Variants in UNC13C observed in about 807,000 individuals in gnomAD.
UNC13C encodes the protein unc-13 homolog C, also known as protein unc-13 homolog C.
In UNC13C, 174 loss-of-function variants were observed where a neutral mutation model predicts 245.4. The observed-to-expected ratio is 0.71, with a 90% CI of 0.63 to 0.80. The LOEUF (loss-of-function observed/expected upper bound fraction) is 0.80. Ranked by LOEUF, UNC13C falls within the 30% of genes least tolerant of loss-of-function variation. UNC13C has a pLI of 0.00. For synonymous variants in UNC13C, 992 were observed against 895.1 expected (o/e 1.11, Z -1.93); for missense variants, 2,829 against 2,602.9 (o/e 1.09, Z -1.89).
chr15:54,535,088 G>T (rs932372528), intron 26 of UNC13C, among the ~76,000 whole-genome samples: 1 of 151,926 alleles, frequency 6.6e-6, no homozygotes, highest in Non-Finnish European at 1.5e-5. Context: ...TGGACTAAAT[G>T]TCCCACTTAA....
intron 19 of UNC13C, among the ~76,000 whole-genome samples, chr15:54,477,963 G>T (rs62024027): frequency 9.3e-5 from 13 of 139,694 alleles, no homozygotes; most frequent in Admixed American, 2.8e-4. Context: ...TTGGTAAGCT[G>T]TTGATTATTG....
the UNC13C span, among the ~76,000 whole-genome samples, chr15:53,939,371 G>A: frequency 2.6e-5 from 4 of 152,018 alleles, no homozygotes; most frequent in Admixed American, 6.6e-5. Flanking sequence ...AAAAACCCCG[G>A]GACCCGATGG....
intron 19 of UNC13C, among the ~76,000 whole-genome samples, chr15:54,487,766 C>CAAAAAAA (rs5812760): frequency 1.1e-4 from 7 of 62,754 alleles, no homozygotes; most frequent in East Asian, 9.6e-4. Flanking sequence ...GATTCCATCT[C>CAAAAAAA]AAAAAAAAAA....
intron 4 of UNC13C, among the ~76,000 whole-genome samples, chr15:54,220,201 G>A (rs1331638168): frequency 1.3e-5 from 2 of 151,272 alleles, no homozygotes; most frequent in Admixed American, 6.6e-5. Context: ...CAACCCAAAT[G>A]TCTAACAATG....
At chr15:54,203,739 T>C (rs1456227912) in intron 4 of UNC13C, among the ~76,000 whole-genome samples, 2 of 101,314 alleles carry the variant, frequency 2.0e-5, no homozygotes, top group South Asian at 2.7e-4. Context: ...CACATATACA[T>C]ATATATGTAT....
Position 54,237,741 on chromosome 15 carries a change from AC to A in UNC13C, c.3228+52del, listed in dbSNP as rs1430287235. 3.6e-6 allele frequency: 5 copies of A among 1,399,694 alleles called. No homozygotes were observed. In the African/African-American group the frequency reaches 7.1e-5, roughly 20 times the overall value. 86.7% of individuals were successfully genotyped at this position (1,399,694 alleles called of 1,614,324 possible). The stretch of plus-strand genomic sequence containing the variant: ...ATCTAACTAGATATTGCTCATAATC[AC>A]AAGGGAGAAACTGTTCTGCTTGAGC... On this transcript the variant is annotated intron_variant, in intron 7 of 32. Coordinates refer to ENST00000260323, the MANE Select transcript of UNC13C (RefSeq NM_001080534.3).
chr15:54,457,404 G>A (rs1891590192), intron 19 of UNC13C, among the ~76,000 whole-genome samples: 1 of 152,028 alleles, frequency 6.6e-6, no homozygotes, highest in Non-Finnish European at 1.5e-5. Context: ...AATGAGTTAG[G>A]GAGGACTTCT....
intron 4 of UNC13C, among the ~76,000 whole-genome samples, chr15:54,202,920 C>T (rs1030504303): frequency 4.6e-5 from 7 of 151,878 alleles, no homozygotes; most frequent in African/African-American, 9.6e-5. Flanking sequence ...TCAATACATC[C>T]GACAAAGGAC....
chr15:54,228,111 G>A (rs150743903), intron 4 of UNC13C, among the ~76,000 whole-genome samples: 128 of 152,230 alleles, frequency 8.4e-4, no homozygotes, highest in Admixed American at 1.3e-3. Flanking sequence ...ATAAGAAGAC[G>A]TGTCTCTCCC....
chr15:54,015,248 G>A lies in UNC13C; in HGVS notation c.2345G>A (p.Arg782Gln), dbSNP rs1214822801. 16 of 1,613,368 alleles carry A rather than the reference G, an allele frequency of 9.9e-6. No homozygotes were observed. The highest frequency in any genetic ancestry group is 1.1e-5 in the Non-Finnish European group (13 of 1,179,716). ...EDAPPKSWHS[R>Q]LSIDLSDKTF... is the part of the protein sequence containing the mutation. ...GCCCCACCCAAATCATGGCATAGTC[G>A]ATTAAGCATTGACCTTTCTGATAAG... The change falls in exon 2 of 33, where the codon CGA becomes CAA. Residue 782 changes from arginine to glutamine, a missense_variant. Coordinates refer to ENST00000260323, the MANE Select transcript of UNC13C (RefSeq NM_001080534.3).
the UNC13C span, among the ~76,000 whole-genome samples, chr15:53,941,829 A>C: frequency 2.6e-5 from 4 of 152,362 alleles, no homozygotes; most frequent in Admixed American, 2.0e-4. Context: ...TGATCATTAA[A>C]GAAATGCAAA....
Position 54,013,669 on chromosome 15 carries a change from A to G in UNC13C, c.766A>G (p.Ile256Val). The change falls in exon 2 of 33, where the codon ATT (isoleucine) becomes GTT (valine). Residue 256 changes from isoleucine (I) to valine (V), a missense_variant. Transcript: ENST00000260323. ...TAAGGAACTTCAGGGAATAAGTCAG[A>G]TTGAAACAGAACTTTCTGAACTACG... Reference protein sequence around the residue: ...IFKELQGISQIETELSELRGH... With the variant: ...IFKELQGISQVETELSELRGH... 6 of 1,613,872 alleles carry G rather than the reference A, an allele frequency of 3.7e-6. No individual in the cohort carries two copies. The highest frequency in any genetic ancestry group is 5.1e-6 in the Non-Finnish European group (6 of 1,179,842).
At chr15:54,582,952 TGACA>T (rs1365997665) in intron 30 of UNC13C, among the ~76,000 whole-genome samples, 5 of 152,178 alleles carry the variant, frequency 3.3e-5, no homozygotes, top group Non-Finnish European at 7.3e-5. Context: ...AACGGTAAAC[TGACA>T]GTTCTCTAAT....
chr15:54,281,571 G>A (rs1257789278), intron 10 of UNC13C, among the ~76,000 whole-genome samples: 1 of 152,164 alleles, frequency 6.6e-6, no homozygotes, highest in African/African-American at 2.4e-5. Flanking sequence ...TTTACAGAAT[G>A]CAACAGTGGG....
At chr15:54,082,229 C>A (rs1286020259) in intron 2 of UNC13C, among the ~76,000 whole-genome samples, 2 of 152,100 alleles carry the variant, frequency 1.3e-5, no homozygotes, top group Non-Finnish European at 2.9e-5. Context: ...CCTTGGATAG[C>A]CTGATGATCA....
chr15:54,287,110 GT>G (rs2037170735), intron 10 of UNC13C, among the ~76,000 whole-genome samples: 1 of 152,098 alleles, frequency 6.6e-6, no homozygotes, highest in South Asian at 2.1e-4. Context: ...TAAACCCGGG[GT>G]CTTGGTTAAA....
At chr15:54,431,276 G>T (rs1192938906) in intron 19 of UNC13C, among the ~76,000 whole-genome samples, 2 of 151,542 alleles carry the variant, frequency 1.3e-5, no homozygotes, top group Non-Finnish European at 3.0e-5. Context: ...CGCCATATTG[G>T]GGGATCATCT....
chr15:53,846,484 C>T, the UNC13C span, among the ~76,000 whole-genome samples: 1 of 152,088 alleles, frequency 6.6e-6, no homozygotes, highest in African/African-American at 2.4e-5. Flanking sequence ...ACTTATTTTC[C>T]ACATTTGTGG....
chr15:54,167,346 C>CA (rs2033201675), intron 4 of UNC13C, among the ~76,000 whole-genome samples: 1 of 151,130 alleles, frequency 6.6e-6, no homozygotes, highest in African/African-American at 2.4e-5. Flanking sequence ...ACTGAAAATA[C>CA]AAAAAATTAG....
Sources: gnomAD v4.1 joint callset for allele counts (sites outside exome capture counted in the v4.1 genomes callset) on GRCh38, gnomAD v4.1.1 for gene constraint, MANE v1.5 for transcripts, NCBI Gene and HGNC (gene_info 2026-07-23, HGNC 2026-07-21) for gene names.